Variants in CYTH3 observed in about 807,000 individuals in gnomAD.
CYTH3 encodes cytohesin-3.
Under a neutral mutation model 55.1 loss-of-function variants are expected in CYTH3, and 23 were observed. The observed-to-expected ratio is 0.42, with a 90% CI of 0.30 to 0.59. The LOEUF (loss-of-function observed/expected upper bound fraction) is 0.59. CYTH3 is among the 20% of genes least tolerant of loss of function. CYTH3 has a pLI of 0.20. For missense variants in CYTH3, 413 were observed against 524.8 expected, an observed-to-expected ratio of 0.79 and a Z score of 2.08; for synonymous variants, 249 against 194.9, an observed-to-expected ratio of 1.28 and a Z score of -2.31.
At chr7:6,203,312 G>A (rs1369792652) in intron 1 of CYTH3, among the ~76,000 whole-genome samples, 2 of 151,958 alleles carry the variant, frequency 1.3e-5, no homozygotes, top group Non-Finnish European at 1.5e-5. Flanking sequence ...CATATTTGAA[G>A]TGAATTGTGA....
chr7:6,191,793 C>A (rs1783809634), intron 1 of CYTH3, among the ~76,000 whole-genome samples: 1 of 151,966 alleles, frequency 6.6e-6, no homozygotes, highest in South Asian at 2.1e-4. Context: ...AGTTAAGAAA[C>A]TAGGCCAGGC....
intron 1 of CYTH3, among the ~76,000 whole-genome samples, chr7:6,227,235 A>G (rs1423377167): frequency 6.6e-6 from 1 of 152,220 alleles, no homozygotes; most frequent in African/African-American, 2.4e-5. Context: ...AGATAGGAAC[A>G]GATTGATGGA....
At chr7:6,230,599 C>T (rs190274701) in intron 1 of CYTH3, among the ~76,000 whole-genome samples, 41 of 152,212 alleles carry the variant, frequency 2.7e-4, no homozygotes, top group Non-Finnish European at 4.7e-4. Context: ...GAGACCTAAG[C>T]GTCCACAATA....
At chr7:6,254,185 A>G (rs1304043059) in intron 1 of CYTH3, among the ~76,000 whole-genome samples, 1 of 152,136 alleles carries the variant, frequency 6.6e-6, no homozygotes, top group Non-Finnish European at 1.5e-5. Flanking sequence ...CTCCACCTCA[A>G]AAACAAACAA....
intron 1 of CYTH3, among the ~76,000 whole-genome samples, chr7:6,227,140 C>G (rs966266811): frequency 2.7e-5 from 4 of 150,920 alleles, no homozygotes; most frequent in Non-Finnish European, 4.4e-5. Flanking sequence ...CTTGACAAAC[C>G]CATGAAATGA....
chr7:6,172,898 T>C (rs1198971556), intron 6 of CYTH3: 1 of 1,232,082 alleles, frequency 8.1e-7, no homozygotes, highest in Admixed American at 2.6e-5. Flanking sequence ...CTGCCAACAT[T>C]GCAGTCTGCA....
rs185810733 is a variant in CYTH3 at position 6,167,909 on chromosome 7, T to C, written c.824-2099A>G. Among the ~76,000 whole-genome samples the C allele has an allele frequency of 6.6e-6, 1 of 152,306 alleles. No homozygotes were observed. The highest frequency in any genetic ancestry group is 6.5e-5 in the Admixed American group (1 of 15,304). On this transcript the variant is annotated intron_variant, in intron 9 of 12. Transcript: ENST00000350796. The surrounding 1 kb of genome is among the most constrained non-coding windows in gnomAD (Gnocchi z 5.5). ...TTGGGTCCCCCGCTCACACCTCCCA[T>C]GCAGAGCCCCATCCCTGTCCAGTCC...
intron 1 of CYTH3, among the ~76,000 whole-genome samples, chr7:6,253,702 G>A (rs1002390799): frequency 1.4e-4 from 22 of 152,068 alleles, no homozygotes; most frequent in African/African-American, 5.3e-4. Flanking sequence ...TGTAGTCCCA[G>A]CTACTGGGGA....
rs1324296036 is a variant in CYTH3, at chr7:6,223,338, A to G, written c.35-32807T>C. On this transcript the variant is annotated intron_variant, in intron 1 of 12. Transcript: ENST00000350796. ...AAGTGTACCCAACAGCTCTGAAGAG[A>G]CAGTGACCATCAAGAACGGGCCATG... 3.3e-5 allele frequency among the ~76,000 whole-genome samples: 5 copies of G among 152,232 alleles called. No individual in the cohort carries two copies. In the East Asian group the frequency reaches 9.6e-4, roughly 29 times the overall value.
chr7:6,184,038 C>A (rs1036835429), intron 4 of CYTH3, among the ~76,000 whole-genome samples: 9 of 149,612 alleles, frequency 6.0e-5, no homozygotes, highest in South Asian at 2.1e-4. Context: ...GTTTACGCAC[C>A]CCCTCTGTGG....
chr7:6,233,198 C>T (rs1779431014), intron 1 of CYTH3, among the ~76,000 whole-genome samples: 1 of 152,162 alleles, frequency 6.6e-6, no homozygotes, highest in South Asian at 2.1e-4. Context: ...TCAATGCCAG[C>T]TAGACATCTC....
intron 1 of CYTH3, among the ~76,000 whole-genome samples, chr7:6,240,292 CA>C (rs60884841): frequency 4.5e-3 from 275 of 60,546 alleles, no homozygotes; most frequent in East Asian, 0.041. Context: ...GACTCCATCT[CA>C]AAAAAAAAAA....
At position 6,179,884 on chromosome 7, in the gene CYTH3, CACCACACACACCCACACACA is replaced by C. The variant is rs1274390874; in HGVS notation, c.250-1963_250-1944del. Among the ~76,000 whole-genome samples the C allele has an allele frequency of 3.4e-5, 5 of 147,316 alleles. No homozygotes were observed. In the East Asian group the frequency reaches 6.0e-4, roughly 18 times the overall value. ...CACACACACCCACACACACCACACA[CACCACACACACCCACACACA>C]ACCACACACACACAAACCACACACA... On this transcript the variant is annotated intron_variant, in intron 4 of 12. Coordinates refer to ENST00000350796, the MANE Select transcript of CYTH3 (RefSeq NM_004227.4).
intron 1 of CYTH3, among the ~76,000 whole-genome samples, chr7:6,248,284 G>C (rs1779875756): frequency 7.4e-6 from 1 of 135,174 alleles, no homozygotes; most frequent in South Asian, 2.4e-4. Flanking sequence ...CTCCTCCTCA[G>C]AATGCTGCTA....
At position 6,165,232 on chromosome 7, in the gene CYTH3, C is replaced by T. The variant is rs200855765; in HGVS notation, c.1127+41G>A. 3.0e-5 allele frequency: 48 copies of T among 1,585,718 alleles called. 1 individual carries two copies. The highest frequency in any genetic ancestry group is 1.9e-4 in the Middle Eastern group (1 of 5,222). ...ACCATCCCCCGCCCTCCAACCGGCACGAGAAGACGGGCCTGGCCCCGCCCC... is the reference window on the plus strand; with the variant it reads ...ACCATCCCCCGCCCTCCAACCGGCATGAGAAGACGGGCCTGGCCCCGCCCC... On this transcript the variant is annotated intron_variant, in intron 12 of 12. Coordinates refer to ENST00000350796, the MANE Select transcript of CYTH3 (RefSeq NM_004227.4).
At chr7:6,193,587 A>G (rs1006922694) in intron 1 of CYTH3, among the ~76,000 whole-genome samples, 1 of 152,344 alleles carries the variant, frequency 6.6e-6, no homozygotes, top group Non-Finnish European at 1.5e-5. Context: ...AGACCAAGTA[A>G]CCTAATTTAC....
At chr7:6,233,959 G>A (rs910385577) in intron 1 of CYTH3, among the ~76,000 whole-genome samples, 2 of 152,178 alleles carry the variant, frequency 1.3e-5, no homozygotes, top group Non-Finnish European at 1.5e-5. Flanking sequence ...CAAGGCAGCT[G>A]TCTGAGGCCT....
At chr7:6,192,244 T>A (rs1783818487) in intron 1 of CYTH3, among the ~76,000 whole-genome samples, 2 of 152,300 alleles carry the variant, frequency 1.3e-5, no homozygotes, top group South Asian at 4.1e-4. Context: ...AGACAGGATC[T>A]CACTCTGCTG....
intron 1 of CYTH3, among the ~76,000 whole-genome samples, chr7:6,271,981 C>T (rs1231563402): frequency 6.6e-6 from 1 of 152,222 alleles, no homozygotes; most frequent in Non-Finnish European, 1.5e-5. Context: ...CAACCGTTTC[C>T]CCTGCCCTCC....
Sources: allele counts gnomAD v4.1 joint callset (sites outside exome capture counted in the v4.1 genomes callset), GRCh38; gene constraint gnomAD v4.1.1; non-coding constraint Gnocchi (gnomAD v3.1); transcripts MANE v1.5; gene names NCBI Gene and HGNC (gene_info 2026-07-23, HGNC 2026-07-21).